Variants in GOSR1 observed in about 807,000 individuals in gnomAD.
The protein encoded by GOSR1 is 28 kDa Golgi SNARE protein.
In GOSR1, 21 loss-of-function variants were observed where a neutral mutation model predicts 35.5. The ratio of observed to expected loss-of-function variants is 0.59; its 90% CI spans 0.42 to 0.85. GOSR1 has a LOEUF of 0.85. GOSR1 is among the 40% of genes least tolerant of loss of function. The pLI, the probability that GOSR1 is intolerant of heterozygous loss-of-function variation, is 0.00. For synonymous variants in GOSR1, 94 were observed against 106.6 expected, an observed-to-expected ratio of 0.88 and a Z score of 0.73; for missense variants, 285 against 309.6, an observed-to-expected ratio of 0.92 and a Z score of 0.60.
chr17:30,477,480 C>T lies in GOSR1; in HGVS notation c.31+16C>T. The T allele has an allele frequency of 6.2e-7, 1 of 1,605,714 alleles. No homozygotes were observed. Among genetic ancestry groups the T allele is most frequent in the Non-Finnish European group, 8.5e-7 (1 of 1,174,952 alleles). On this transcript the variant is annotated intron_variant, in intron 1 of 8. Transcript: ENST00000451249. Reference sequence around the variant, plus strand: ...TACTGGGAAGGTGAGGGCGAGAAGGCCTCCGGGTGCGTCCTACGAGGGTGA... The same window carrying T: ...TACTGGGAAGGTGAGGGCGAGAAGGTCTCCGGGTGCGTCCTACGAGGGTGA...
chr17:30,520,210 T>C (rs1160298559), intron 8 of GOSR1, 189 bp downstream of exon 8: 1 of 468,004 alleles, frequency 2.1e-6, no homozygotes, highest in Admixed American at 3.5e-5. Context: ...CCTAAAAGAC[T>C]GCACCTCAGA....
chr17:30,487,811 A>C (rs1914773269), intron 4 of GOSR1, among the ~76,000 whole-genome samples: 1 of 151,786 alleles, frequency 6.6e-6, no homozygotes, highest in African/African-American at 2.4e-5. Flanking sequence ...TCTGTTGTCC[A>C]GGCTGGAGTA....
At chr17:30,479,788 G>T (rs536161979) in intron 1 of GOSR1, 5 of 152,160 alleles carry the variant, frequency 3.3e-5, no homozygotes, top group African/African-American at 1.2e-4. Context: ...GATTACAGGC[G>T]TGAGCCACTG....
intron 6 of GOSR1, among the ~76,000 whole-genome samples, chr17:30,509,358 C>A (rs1033818150): frequency 6.6e-6 from 1 of 152,216 alleles, no homozygotes; most frequent in Non-Finnish European, 1.5e-5. Flanking sequence ...ATCCACCTGC[C>A]TTGGCCTCCC....
At chr17:30,484,358 G>C (rs931304989) in intron 3 of GOSR1, 57 bp downstream of exon 3, 1 of 934,874 alleles carries the variant, frequency 1.1e-6, no homozygotes, top group Admixed American at 1.7e-5. Context: ...TGTTACGTAG[G>C]ATCCTGGATT....
intron 5 of GOSR1, among the ~76,000 whole-genome samples, chr17:30,491,064 C>T (rs1915011825): frequency 6.6e-6 from 1 of 152,184 alleles, no homozygotes; most frequent in Non-Finnish European, 1.5e-5. Flanking sequence ...TTTATTGTAA[C>T]AGTAACAGTT....
At chr17:30,519,824 C>T in intron 7 of GOSR1, 115 bp from the exon 8 acceptor site, 1 of 665,956 alleles carries the variant, frequency 1.5e-6, no homozygotes, top group Non-Finnish European at 2.6e-6. Context: ...TTTTCTGGCA[C>T]AGTGCTTTCT....
chr17:30,507,250 T>A (rs1006963497), intron 6 of GOSR1, among the ~76,000 whole-genome samples: 5 of 152,038 alleles, frequency 3.3e-5, no homozygotes, highest in African/African-American at 1.2e-4. Flanking sequence ...TGGAAAGGAG[T>A]CCCCATTCTA....
chr17:30,492,662 T>A lies in GOSR1; in HGVS notation c.435-17T>A, dbSNP rs747338989. 1.3e-5 allele frequency: 19 copies of A among 1,477,178 alleles called. No individual in the cohort carries two copies. In the Admixed American group the frequency reaches 1.9e-4, roughly 15 times the overall value. The allele number at this position is 1,477,178 out of a possible 1,614,324, so 91.5% of individuals were successfully genotyped here. ...TTCTCTGCCAAAAATGTTTTTAAAT[T>A]TTCTCTTTTGTCCCAGGTCATATAA... On this transcript the variant is annotated splice_polypyrimidine_tract_variant and intron_variant, in intron 5 of 8. Coordinates refer to ENST00000451249, the MANE Select transcript of GOSR1 (RefSeq NM_001007025.2).
rs1968123241 is a variant in GOSR1, at chr17:30,523,600, A to C, written c.*1222A>C. On this transcript the variant is annotated 3_prime_UTR_variant, in exon 9 of 9. Transcript: ENST00000451249. ...GGGGGGATCAGCCCCCCGCCCGGCC[A>C]GCCGCCCCGTCCGGGAGGGAGGTGG... 6.5e-6 allele frequency: 1 copy of C among 152,836 alleles called. No individual in the cohort carries two copies. The highest frequency in any genetic ancestry group is 1.4e-5 in the Non-Finnish European group (1 of 71,314). 9.5% of individuals were successfully genotyped at this position (152,836 alleles called of 1,614,324 possible).
intron 6 of GOSR1, among the ~76,000 whole-genome samples, chr17:30,493,720 C>T (rs1966889907): frequency 6.6e-6 from 1 of 152,126 alleles, no homozygotes; most frequent in African/African-American, 2.4e-5. Flanking sequence ...CACATTACTA[C>T]AAATTCTGTA....
At chr17:30,496,736 C>T (rs995192474) in intron 6 of GOSR1, among the ~76,000 whole-genome samples, 1 of 152,152 alleles carries the variant, frequency 6.6e-6, no homozygotes, top group Non-Finnish European at 1.5e-5. Flanking sequence ...TTCACAATGT[C>T]ATAGGGAAAG....
At chr17:30,496,943 AT>A (rs1404394919) in intron 6 of GOSR1, among the ~76,000 whole-genome samples, 3 of 152,238 alleles carry the variant, frequency 2.0e-5, no homozygotes, top group Non-Finnish European at 4.4e-5. Flanking sequence ...AGAATTGCAG[AT>A]TGTGCACATT....
chr17:30,485,740 G>A (rs1267902961), intron 4 of GOSR1, among the ~76,000 whole-genome samples: 2 of 152,198 alleles, frequency 1.3e-5, no homozygotes. Context: ...AGGAATAGAT[G>A]GCCGGGCGCA....
intron 8 of GOSR1, among the ~76,000 whole-genome samples, chr17:30,520,980 G>T (rs1968009592): frequency 6.6e-6 from 1 of 152,104 alleles, no homozygotes; most frequent in African/African-American, 2.4e-5. Flanking sequence ...CAGAAAAGCT[G>T]ATCAGTGAAT....
At chr17:30,477,979 C>T (rs1567892526) in intron 1 of GOSR1, 2 of 964,392 alleles carry the variant, frequency 2.1e-6, no homozygotes, top group Non-Finnish European at 1.2e-6. Flanking sequence ...TATTGGGTCT[C>T]CATGACAACT....
intron 4 of GOSR1, 46 bp downstream of exon 4, chr17:30,484,816 G>T (rs1597758396): frequency 1.6e-5 from 13 of 819,586 alleles, no homozygotes; most frequent in African/African-American, 3.5e-5. Flanking sequence ...AGGAGTTTGG[G>T]TTTTTTTTTT....
chr17:30,487,888 G>A (rs544176364), intron 4 of GOSR1, among the ~76,000 whole-genome samples: 150 of 152,076 alleles, frequency 9.9e-4, no homozygotes, highest in African/African-American at 3.4e-3. Flanking sequence ...CGATTCTTCT[G>A]CCTCGGCCTC....
chr17:30,494,907 CTT>C (rs747137586), intron 6 of GOSR1, among the ~76,000 whole-genome samples: 27 of 139,274 alleles, frequency 1.9e-4, no homozygotes, highest in Admixed American at 2.9e-4. Flanking sequence ...TGTGCCCAGA[CTT>C]TTTTTTTTTT....
Sources: allele counts gnomAD v4.1 joint callset (sites outside exome capture counted in the v4.1 genomes callset), GRCh38; gene constraint gnomAD v4.1.1; transcripts MANE v1.5; gene names NCBI Gene and HGNC (gene_info 2026-07-23, HGNC 2026-07-21).